The following GLIS3 variants were observed in gnomAD, a reference collection of about 807,000 sequenced individuals.
GLIS3 encodes GLIS family zinc finger 3.
Under a neutral mutation model 78.6 loss-of-function variants are expected in GLIS3, and 53 were observed. The observed-to-expected ratio is 0.67, with a 90% confidence interval of 0.54 to 0.85. The LOEUF (loss-of-function observed/expected upper bound fraction) is 0.85. Among genes scored for constraint, GLIS3 ranks in the 40% least tolerant of loss-of-function variants. The probability of loss-of-function intolerance (pLI) is 0.00; values close to 1 mark genes in which losing one functional copy is unlikely to be tolerated. For missense variants in GLIS3, 1,703 were observed against 1,231.1 expected, an observed-to-expected ratio of 1.38 and a Z score of -5.74; for synonymous variants, 684 against 509.9, an observed-to-expected ratio of 1.34 and a Z score of -4.60.
At chr9:4,473,361 G>T in the GLIS3 span, among the ~76,000 whole-genome samples, 1 of 151,668 alleles carries the variant, frequency 6.6e-6, no homozygotes, top group African/African-American at 2.4e-5. Context: ...CAGGAGAATC[G>T]TTTGAACCTG....
intron 4 of GLIS3, among the ~76,000 whole-genome samples, chr9:4,037,455 T>C (rs892580144): frequency 3.3e-5 from 5 of 152,072 alleles, no homozygotes; most frequent in Admixed American, 2.6e-4. Flanking sequence ...ATAATAAATG[T>C]TATACACATG....
intron 4 of GLIS3, among the ~76,000 whole-genome samples, chr9:3,957,333 C>T (rs917800226): frequency 1.3e-5 from 2 of 152,244 alleles, no homozygotes; most frequent in African/African-American, 4.8e-5. Context: ...CGATTAATGT[C>T]TTTGCTTTCA....
chr9:3,992,090 A>G, intron 4 of GLIS3, among the ~76,000 whole-genome samples: 1 of 152,156 alleles, frequency 6.6e-6, no homozygotes, highest in East Asian at 1.9e-4. Flanking sequence ...AGAAAATAAG[A>G]TTCCCCATTT....
intron 2 of GLIS3, among the ~76,000 whole-genome samples, chr9:4,180,308 TC>T (rs1219432820): frequency 1.3e-5 from 2 of 152,160 alleles, no homozygotes; most frequent in Admixed American, 6.5e-5. Context: ...CCATTCACAT[TC>T]TTCCAACCCT....
chr9:3,983,863 A>C (rs1406495922), intron 4 of GLIS3, among the ~76,000 whole-genome samples: 1 of 152,228 alleles, frequency 6.6e-6, no homozygotes, highest in Non-Finnish European at 1.5e-5. Flanking sequence ...TGCAGCCTGA[A>C]AATGCGATAG....
the GLIS3 span, among the ~76,000 whole-genome samples, chr9:4,413,496 G>A: frequency 6.6e-6 from 1 of 152,008 alleles, no homozygotes; most frequent in African/African-American, 2.4e-5. Context: ...GCTGTGTATT[G>A]TCTCAAAGCT....
At chr9:3,953,098 C>T (rs888703518) in intron 4 of GLIS3, among the ~76,000 whole-genome samples, 2 of 152,114 alleles carry the variant, frequency 1.3e-5, no homozygotes, top group Non-Finnish European at 2.9e-5. Flanking sequence ...GAGGGATCTG[C>T]ACTACATATA....
At position 4,209,833 on chromosome 9, in the gene GLIS3, C is replaced by G. The variant is rs996019938; in HGVS notation, c.388+76205G>C. On this transcript the variant is annotated intron_variant, in intron 2 of 10. Transcript: ENST00000381971. ...CATTCCCGCCCCCCCCCAGTTGTGACCATCAAAATGTCTCCAAGCATTGGC... is the reference window on the plus strand; with the variant it reads ...CATTCCCGCCCCCCCCCAGTTGTGAGCATCAAAATGTCTCCAAGCATTGGC... Among the ~76,000 whole-genome samples, 19 of 150,932 alleles carry G rather than the reference C, an allele frequency of 1.3e-4. 1 individual carries two copies. Among genetic ancestry groups the G allele is most frequent in the Non-Finnish European group, 1.5e-5 (1 of 67,952 alleles).
At chr9:4,073,616 G>A (rs1002289917) in intron 4 of GLIS3, among the ~76,000 whole-genome samples, 5 of 152,150 alleles carry the variant, frequency 3.3e-5, no homozygotes, top group South Asian at 2.1e-4. Flanking sequence ...ATGAAAAGGC[G>A]GATGTTGCTG....
chr9:4,433,071 C>T, the GLIS3 span, among the ~76,000 whole-genome samples: 1 of 152,160 alleles, frequency 6.6e-6, no homozygotes, highest in Admixed American at 6.5e-5. Context: ...TTGTTTTACT[C>T]AACCAACATG....
At chr9:3,982,974 C>A (rs996568170) in intron 4 of GLIS3, among the ~76,000 whole-genome samples, 19 of 152,280 alleles carry the variant, frequency 1.2e-4, no homozygotes, top group Admixed American at 9.2e-4. Context: ...GATTGAGGGT[C>A]TCTTGGCCAA....
chr9:3,861,385 T>C (rs1820202344), intron 8 of GLIS3, among the ~76,000 whole-genome samples: 1 of 152,160 alleles, frequency 6.6e-6, no homozygotes, highest in East Asian at 1.9e-4. Flanking sequence ...GAAATACCAT[T>C]TGACCCAGAA....
chr9:4,371,889 T>C, the GLIS3 span, among the ~76,000 whole-genome samples: 3 of 152,282 alleles, frequency 2.0e-5, no homozygotes, highest in African/African-American at 4.8e-5. Context: ...AATAAACGCA[T>C]CCAGAATTGA....
At chr9:4,082,125 G>C (rs564226836) in intron 4 of GLIS3, among the ~76,000 whole-genome samples, 1 of 152,182 alleles carries the variant, frequency 6.6e-6, no homozygotes, top group Admixed American at 6.5e-5. Flanking sequence ...TTTGTGCTCT[G>C]TGCATATCAC....
At chr9:4,064,569 C>A (rs1201273605) in intron 4 of GLIS3, among the ~76,000 whole-genome samples, 2 of 152,126 alleles carry the variant, frequency 1.3e-5, no homozygotes, top group Non-Finnish European at 2.9e-5. Flanking sequence ...GCAGGCAGTT[C>A]ACTTGAGGTC....
intron 8 of GLIS3, among the ~76,000 whole-genome samples, chr9:3,862,218 G>A (rs1010238772): frequency 1.1e-4 from 17 of 152,174 alleles, no homozygotes; most frequent in Admixed American, 4.6e-4. Flanking sequence ...CTTCTCTAGC[G>A]GAGATGGAAA....
chr9:4,166,043 C>G (rs1288691753), intron 2 of GLIS3, among the ~76,000 whole-genome samples: 1 of 152,168 alleles, frequency 6.6e-6, no homozygotes, highest in Admixed American at 6.5e-5. Flanking sequence ...CCTTCAAAGC[C>G]TGGGCTACTG....
intron 4 of GLIS3, among the ~76,000 whole-genome samples, chr9:4,020,021 G>C (rs1442827080): frequency 6.6e-6 from 1 of 152,182 alleles, no homozygotes; most frequent in African/African-American, 2.4e-5. Flanking sequence ...AAAGCACTGG[G>C]ATTACAGGCA....
At chr9:3,838,856 A>C (rs1399007229) in intron 9 of GLIS3, among the ~76,000 whole-genome samples, 2 of 152,150 alleles carry the variant, frequency 1.3e-5, no homozygotes, top group Admixed American at 6.6e-5. Context: ...GGGACCCTTG[A>C]CCTGCTGCCT....
Sources: gnomAD v4.1 joint callset for allele counts (sites outside exome capture counted in the v4.1 genomes callset) on GRCh38, gnomAD v4.1.1 for gene constraint, MANE v1.5 for transcripts, NCBI Gene and HGNC (gene_info 2026-07-23, HGNC 2026-07-21) for gene names.